CSMD1: variants seen among roughly 807,000 people sequenced by gnomAD.
The protein encoded by CSMD1 is CUB and Sushi multiple domains 1, also known as CUB and sushi domain-containing protein 1.
CSMD1 carries 213 observed loss-of-function variants against 417.5 expected under a neutral mutation model. That is an observed-to-expected ratio of 0.51 (90% CI 0.46 to 0.57). CSMD1 has a LOEUF of 0.57. Among genes scored for constraint, CSMD1 ranks in the 20% least tolerant of loss-of-function variants. CSMD1 has a pLI of 0.00. For synonymous variants in CSMD1, 2,862 were observed against 1,736.8 expected (o/e 1.65, Z -16.11); for missense variants, 6,923 against 4,529.7 (o/e 1.53, Z -15.17).
chr8:4,685,354 A>C (rs1440897546), intron 1 of CSMD1, among the ~76,000 whole-genome samples: 2 of 151,978 alleles, frequency 1.3e-5, no homozygotes, highest in African/African-American at 4.8e-5. Context: ...CAGGCAGATC[A>C]CCTTAGGTCA....
At chr8:3,273,124 G>C (rs922640744) in intron 26 of CSMD1, among the ~76,000 whole-genome samples, 11 of 151,768 alleles carry the variant, frequency 7.2e-5, no homozygotes, top group Non-Finnish European at 1.5e-4. Context: ...CTTATTTATT[G>C]AGAGTTTTTA....
chr8:4,026,364 T>C (rs1249285645), intron 4 of CSMD1, among the ~76,000 whole-genome samples: 1 of 152,216 alleles, frequency 6.6e-6, no homozygotes, highest in Non-Finnish European at 1.5e-5. Context: ...AAGTTTCCTG[T>C]GATAAAAGCA....
chr8:3,894,835 G>C (rs1433288760), intron 5 of CSMD1, among the ~76,000 whole-genome samples: 2 of 152,176 alleles, frequency 1.3e-5, no homozygotes, highest in Non-Finnish European at 2.9e-5. Context: ...ACAAGGGTTT[G>C]CTCTGGCTCT....
At chr8:3,626,503 G>A (rs535377529) in intron 7 of CSMD1, among the ~76,000 whole-genome samples, 51 of 152,128 alleles carry the variant, frequency 3.4e-4, no homozygotes, top group Non-Finnish European at 6.2e-4. Context: ...AACATATATA[G>A]TTATAGTTAA....
At chr8:3,711,340 G>T (rs899610201) in intron 6 of CSMD1, among the ~76,000 whole-genome samples, 2 of 152,180 alleles carry the variant, frequency 1.3e-5, no homozygotes, top group South Asian at 2.1e-4. Context: ...GGGCCACCCA[G>T]ATCCCCCTCC....
chr8:4,525,456 C>A (rs1295290705), intron 2 of CSMD1, among the ~76,000 whole-genome samples: 2 of 152,158 alleles, frequency 1.3e-5, no homozygotes, highest in African/African-American at 2.4e-5. Context: ...TAACATATTA[C>A]AAATTATGCA....
chr8:4,195,617 G>T (rs1163007857), intron 3 of CSMD1, among the ~76,000 whole-genome samples: 1 of 152,106 alleles, frequency 6.6e-6, no homozygotes, highest in Non-Finnish European at 1.5e-5. Flanking sequence ...ATTATATAAG[G>T]CTGCATCTTG....
intron 15 of CSMD1, 43 bp downstream of exon 15, chr8:3,405,984 T>A (rs528145406): frequency 2.2e-5 from 34 of 1,579,774 alleles, no homozygotes; most frequent in Non-Finnish European, 2.8e-5. Context: ...AAGATAGATG[T>A]GTGATTTCAA....
At chr8:3,900,672 A>C (rs929850577) in intron 5 of CSMD1, among the ~76,000 whole-genome samples, 7 of 151,244 alleles carry the variant, frequency 4.6e-5, no homozygotes, top group Non-Finnish European at 8.8e-5. Flanking sequence ...CAGTGTAGCT[A>C]GGTGACAGTG....
At chr8:3,956,994 A>G (rs777702310) in intron 5 of CSMD1, among the ~76,000 whole-genome samples, 2 of 152,230 alleles carry the variant, frequency 1.3e-5, no homozygotes, top group African/African-American at 4.8e-5. Context: ...TGGGCCCTAA[A>G]AAATGAAACC....
intron 2 of CSMD1, among the ~76,000 whole-genome samples, chr8:4,578,951 T>C (rs1169768890): frequency 6.6e-6 from 1 of 151,996 alleles, no homozygotes; most frequent in Non-Finnish European, 1.5e-5. Context: ...TACATTTAAT[T>C]AAAATGATTA....
chr8:4,298,787 A>T (rs534625885), intron 3 of CSMD1, among the ~76,000 whole-genome samples: 3 of 152,194 alleles, frequency 2.0e-5, no homozygotes, highest in East Asian at 1.9e-4. Context: ...ATTTATTTTG[A>T]AGAATGTGTT....
At chr8:4,203,131 A>G (rs1020312840) in intron 3 of CSMD1, among the ~76,000 whole-genome samples, 4 of 152,216 alleles carry the variant, frequency 2.6e-5, no homozygotes, top group Non-Finnish European at 5.9e-5. Context: ...ATTTCTTAAA[A>G]GCTGAAAACC....
chr8:4,532,521 G>A lies in CSMD1; in HGVS notation c.302+104821C>T, dbSNP rs191430098. Reference sequence around the variant, plus strand: ...TCCCGCACCCCCATTCAGTCACTCCGGAAGAGAAATCCTGCACCGCCATTC... The same window carrying A: ...TCCCGCACCCCCATTCAGTCACTCCAGAAGAGAAATCCTGCACCGCCATTC... On this transcript the variant is annotated intron_variant, in intron 2 of 69. Coordinates refer to ENST00000635120, the MANE Select transcript of CSMD1 (RefSeq NM_033225.6). Among the ~76,000 whole-genome samples, 38 of 132,490 alleles carry A rather than the reference G, an allele frequency of 2.9e-4. 1 individual carries two copies. The highest frequency in any genetic ancestry group is 8.0e-4 in the African/African-American group (27 of 33,602). The allele number at this position is 132,490 out of a possible 152,430, so 86.9% of individuals were successfully genotyped here.
At chr8:2,957,331 T>C (rs1245051099) in intron 63 of CSMD1, among the ~76,000 whole-genome samples, 1 of 152,200 alleles carries the variant, frequency 6.6e-6, no homozygotes, top group Non-Finnish European at 1.5e-5. Context: ...AAGTTTTCCC[T>C]CTAAGAATGT....
intron 1 of CSMD1, among the ~76,000 whole-genome samples, chr8:4,805,388 G>C (rs546318206): frequency 2.0e-5 from 3 of 152,256 alleles, no homozygotes; most frequent in South Asian, 4.1e-4. Flanking sequence ...GTGATCTAAT[G>C]TGATAAATTA....
intron 1 of CSMD1, among the ~76,000 whole-genome samples, chr8:4,840,813 G>T (rs572533705): frequency 6.6e-6 from 1 of 152,104 alleles, no homozygotes. Context: ...TACCAGGTAG[G>T]ATTAAGTATA....
chr8:3,375,952 C>G (rs1018607412), intron 18 of CSMD1, among the ~76,000 whole-genome samples: 15 of 152,162 alleles, frequency 9.9e-5, no homozygotes, highest in Non-Finnish European at 2.1e-4. Context: ...AGATGTATCT[C>G]CAAAATTGCC....
chr8:3,380,202 A>C (rs1341577940), intron 18 of CSMD1, among the ~76,000 whole-genome samples: 2 of 152,164 alleles, frequency 1.3e-5, no homozygotes, highest in Non-Finnish European at 2.9e-5. Context: ...CAGTCTCACA[A>C]CCGTTAGAAA....
Sources: allele counts gnomAD v4.1 joint callset (sites outside exome capture counted in the v4.1 genomes callset), GRCh38; gene constraint gnomAD v4.1.1; transcripts MANE v1.5; gene names NCBI Gene and HGNC (gene_info 2026-07-23, HGNC 2026-07-21).